The following ZSWIM4 variants were observed in gnomAD, a reference collection of about 807,000 sequenced individuals.
The protein encoded by ZSWIM4 is zinc finger SWIM domain-containing protein 4.
ZSWIM4 carries 62 observed loss-of-function variants against 102.5 expected under a neutral mutation model. The observed-to-expected ratio is 0.60, with a 90% confidence interval of 0.49 to 0.75. The LOEUF (loss-of-function observed/expected upper bound fraction) is 0.75, where lower values mean the gene tolerates loss of function less well. ZSWIM4 is among the 30% of genes least tolerant of loss of function. The probability of loss-of-function intolerance (pLI) is 0.00; values close to 1 mark genes in which losing one functional copy is unlikely to be tolerated. For missense variants in ZSWIM4, 1,280 were observed against 1,529.6 expected (o/e 0.84, Z 2.72); for synonymous variants, 652 against 674.5 (o/e 0.97, Z 0.52).
In ZSWIM4 at chr19:13,813,165, G is replaced by C. The variant is rs764708103; in HGVS notation, c.1180+1G>C. ...CAGCCCACCATGGCCCCCGCCCCAG[G>C]TAGGAGAGAGGGGTCTTTACCATGC... On this transcript the variant is annotated splice_donor_variant, in intron 6 of 13. Transcript: ENST00000590508. LOFTEE classifies it high-confidence loss of function. 1 of 1,609,362 alleles carries C rather than the reference G, an allele frequency of 6.2e-7. No individual in the cohort carries two copies. Among genetic ancestry groups the C allele is most frequent in the Non-Finnish European group, 8.5e-7 (1 of 1,176,940 alleles).
chr19:13,817,909 G>A lies in ZSWIM4; in HGVS notation c.1857G>A (p.Leu619=). ...ACGAGGAGCAGCTGCTGGCCCTGCT[G>A]GAGGAGGTGGAGTTGGATGAGCGGT... is the stretch of plus-strand genomic sequence containing the variant. ...VRNEEQLLAL[L]EEVELDERLV... is the part of the protein sequence containing the mutation. Residue 619 remains leucine (L), a synonymous_variant, in exon 9 of 14, where the codon CTG becomes CTA. Coordinates refer to ENST00000590508, the MANE Select transcript of ZSWIM4 (RefSeq NM_001367834.3). The A allele has an allele frequency of 6.5e-7, 1 of 1,547,858 alleles. No homozygotes were observed.
chr19:13,830,254 C>T lies in ZSWIM4; in HGVS notation c.2525C>T (p.Ala842Val), dbSNP rs1975720927. 5 of 1,613,868 alleles carry T rather than the reference C, an allele frequency of 3.1e-6. No individual in the cohort carries two copies. In the South Asian group the frequency reaches 4.4e-5, roughly 14 times the overall value. ...TCCTTATTCACACCAGTGGAGGCGGCTACCATCGTGGCAGTGACGGGCACC... is the reference window on the plus strand; with the variant it reads ...TCCTTATTCACACCAGTGGAGGCGGTTACCATCGTGGCAGTGACGGGCACC... ...WYSLFTPVEAATIVAVTGTTH... is the reference protein window; with the variant it reads ...WYSLFTPVEAVTIVAVTGTTH... The change falls in exon 14 of 14, where the codon GCT becomes GTT. Residue 842 changes from alanine (A) to valine (V), a missense_variant. Coordinates refer to ENST00000590508, the MANE Select transcript of ZSWIM4 (RefSeq NM_001367834.3).
chr19:13,821,758 G>A (rs1378206621), intron 10 of ZSWIM4, among the ~76,000 whole-genome samples: 9 of 150,944 alleles, frequency 6.0e-5, no homozygotes, highest in East Asian at 3.9e-4. Context: ...TCACTTTCTC[G>A]CCCAGGCTGG....
chr19:13,817,685 G>A, intron 8 of ZSWIM4, 37 bp from the exon 9 acceptor site: 1 of 1,601,946 alleles, frequency 6.2e-7, no homozygotes, highest in Non-Finnish European at 8.5e-7. Context: ...TAGGGAAGGG[G>A]ATCCGTCTCC....
rs371707685 is a variant in ZSWIM4, at chr19:13,813,028, C to T, written c.1044C>T (p.Pro348=). The T allele has an allele frequency of 9.5e-5, 154 of 1,613,506 alleles. No individual in the cohort carries two copies. Among genetic ancestry groups the T allele is most frequent in the South Asian group, 4.0e-4 (36 of 91,042 alleles). Residue 348 remains proline (P), a synonymous_variant, in exon 6 of 14, where the codon CCC becomes CCT. Coordinates refer to ENST00000590508, the MANE Select transcript of ZSWIM4 (RefSeq NM_001367834.3). ...TGTGGGTTTGCGTCGTCCTGAGCCC[C>T]CACTGCAAACCAGAGGAAAGGGCAG... The part of the protein sequence containing the change: ...GALWVCVVLS[P]HCKPEERAGW...
At position 13,830,618 on chromosome 19, in the gene ZSWIM4, C is replaced by T. The variant is rs1175965776; in HGVS notation, c.2889C>T (p.Asp963=). 1.2e-6 allele frequency: 2 copies of T among 1,600,208 alleles called. No homozygotes were observed. Among genetic ancestry groups the T allele is most frequent in the African/African-American group, 2.7e-5 (2 of 74,932 alleles). The change falls in exon 14 of 14, where the codon GAC becomes GAT. Residue 963 remains aspartate, a synonymous_variant. Transcript: ENST00000590508. The part of the protein sequence containing the change: ...FNQDSHPAVN[D]VLWACSLSHS... ...AGGACAGCCACCCTGCCGTCAACGA[C>T]GTGCTTTGGGCCTGCTCTCTCAGCC...
At position 13,823,467 on chromosome 19, in the gene ZSWIM4, G is replaced by A. The variant is rs772252299; in HGVS notation, c.2182G>A (p.Glu728Lys). The change falls in exon 11 of 14, where the codon GAA (glutamate) becomes AAA (lysine). Residue 728 changes from glutamate (E) to lysine (K), a missense_variant. Glu to Lys is a moderately conservative substitution (Grantham distance 56, BLOSUM62 1). Coordinates refer to ENST00000590508, the MANE Select transcript of ZSWIM4 (RefSeq NM_001367834.3). ...ILGHLETRQC[E>K]LASTMLTAAK... ...TGGCCACCTGGAGACCCGCCAGTGT[G>A]AACTGGCTTCCACCATGTTGACGGC... is the stretch of plus-strand genomic sequence containing the variant. The A allele has an allele frequency of 1.3e-6, 2 of 1,589,086 alleles. No individual in the cohort carries two copies. Among genetic ancestry groups the A allele is most frequent in the South Asian group, 2.3e-5 (2 of 87,922 alleles).
chr19:13,828,620 C>G, intron 12 of ZSWIM4, 25 bp from the exon 13 acceptor site: 1 of 1,613,240 alleles, frequency 6.2e-7, no homozygotes, highest in Admixed American at 1.7e-5. Context: ...AGGCTAACCC[C>G]CTTCTCCCCA....
At position 13,831,951 on chromosome 19, in the gene ZSWIM4, C is replaced by T. The variant is rs1975779108; in HGVS notation, c.*901C>T. The T allele has an allele frequency of 6.6e-6, 1 of 151,750 alleles. No homozygotes were observed. Among genetic ancestry groups the T allele is most frequent in the Non-Finnish European group, 1.5e-5 (1 of 67,964 alleles). The allele number at this position is 151,750 out of a possible 1,614,324, so 9.4% of individuals were successfully genotyped here. A position where few individuals can be genotyped will look rare whatever the true frequency, so the allele number is the denominator to read the frequency against. On this transcript the variant is annotated 3_prime_UTR_variant, in exon 14 of 14. Coordinates refer to ENST00000590508, the MANE Select transcript of ZSWIM4 (RefSeq NM_001367834.3). Reference sequence around the variant, plus strand: ...TCTCTGCACCTAAGTCCCTGCCGCCCTCTCTCTTTGGCCATCCTTCCTTTC... The same window carrying T: ...TCTCTGCACCTAAGTCCCTGCCGCCTTCTCTCTTTGGCCATCCTTCCTTTC...
intron 5 of ZSWIM4, 59 bp from the exon 6 acceptor site, chr19:13,812,938 G>A: frequency 1.3e-6 from 2 of 1,537,020 alleles, no homozygotes; most frequent in Non-Finnish European, 1.8e-6. Context: ...GGGCACTGCG[G>A]AAGTGTGTGT....
intron 9 of ZSWIM4, 91 bp downstream of exon 9, chr19:13,818,067 C>T (rs1477346042): frequency 1.4e-6 from 2 of 1,419,538 alleles, no homozygotes; most frequent in African/African-American, 2.9e-5. Flanking sequence ...GATGGGAGGC[C>T]CCGCCCCAGC....
chr19:13,817,270 AC>A lies in ZSWIM4; in HGVS notation c.1591del (p.Leu531TrpfsTer156), dbSNP rs745384990. ...ACCAACACCGAAGGATGGGTGGGGCACCCCCTGGACCCCATTGGCTGCCTCT... is the reference window on the plus strand; with the variant it reads ...ACCAACACCGAAGGATGGGTGGGGCACCCCTGGACCCCATTGGCTGCCTCT... The part of the protein sequence containing the change: ...CITNTEGWVG[H>X]PLDPIGCLCR... On this transcript the variant is annotated frameshift_variant, in exon 8 of 14. Transcript: ENST00000590508. LOFTEE classifies it high-confidence loss of function. The A allele has an allele frequency of 6.2e-7, 1 of 1,613,686 alleles. No homozygotes were observed. The highest frequency in any genetic ancestry group is 8.5e-7 in the Non-Finnish European group (1 of 1,179,808).
intron 8 of ZSWIM4, 157 bp from the exon 9 acceptor site, chr19:13,817,565 G>C: frequency 9.3e-7 from 1 of 1,078,174 alleles, no homozygotes; most frequent in Non-Finnish European, 1.3e-6. Flanking sequence ...GCTAGAAGGT[G>C]GGGCTCCCGC....
At chr19:13,806,393 T>TCCA (rs1974920044) in intron 3 of ZSWIM4, among the ~76,000 whole-genome samples, 5 of 151,284 alleles carry the variant, frequency 3.3e-5, no homozygotes, top group Non-Finnish European at 5.9e-5. Context: ...GGAAGCTGAG[T>TCCA]GTGGTGGCTC....
In ZSWIM4 at chr19:13,817,982, G is replaced by C; in HGVS notation, c.1924+6G>C. 6.7e-7 allele frequency: 1 copy of C among 1,497,668 alleles called. No individual in the cohort carries two copies. Among genetic ancestry groups the C allele is most frequent in the Non-Finnish European group, 8.9e-7 (1 of 1,119,502 alleles). 92.8% of individuals were successfully genotyped at this position (1,497,668 alleles called of 1,614,324 possible). Reference sequence around the variant, plus strand: ...GGCGGGGCTGCTGCTGGAAGGTGAGGCCGCGCCCCTAGGCCTGGCTGTTGC... The same window carrying C: ...GGCGGGGCTGCTGCTGGAAGGTGAGCCCGCGCCCCTAGGCCTGGCTGTTGC... On this transcript the variant is annotated splice_donor_region_variant and intron_variant, in intron 9 of 13. Transcript: ENST00000590508.
intron 2 of ZSWIM4, among the ~76,000 whole-genome samples, chr19:13,804,227 T>G (rs1043905198): frequency 9.9e-5 from 15 of 151,914 alleles, no homozygotes; most frequent in Non-Finnish European, 1.6e-4. Context: ...TCCCTGCACT[T>G]TGGGAGGCTG....
At chr19:13,797,209 CTG>C (rs1042162073) in intron 1 of ZSWIM4, among the ~76,000 whole-genome samples, 6 of 152,218 alleles carry the variant, frequency 3.9e-5, no homozygotes, top group African/African-American at 1.4e-4. Context: ...TTTGAGGAAA[CTG>C]GGGCACAGAG....
chr19:13,819,309 GCAGAGGCGAGCC>G, intron 9 of ZSWIM4, 36 bp from the exon 10 acceptor site: 1 of 1,607,478 alleles, frequency 6.2e-7, no homozygotes, highest in Non-Finnish European at 8.5e-7. Context: ...CTGGGGAAGG[GCAGAGGCGAGCC>G]CACACTTGGG....
intron 10 of ZSWIM4, among the ~76,000 whole-genome samples, chr19:13,821,881 C>T (rs539259221): frequency 7.9e-5 from 12 of 152,226 alleles, no homozygotes; most frequent in African/African-American, 1.7e-4. Flanking sequence ...GGACTACAGT[C>T]ACCCACCACC....
Sources: allele counts gnomAD v4.1 joint callset (sites outside exome capture counted in the v4.1 genomes callset), GRCh38; gene constraint gnomAD v4.1.1; transcripts MANE v1.5; gene names NCBI Gene and HGNC (gene_info 2026-07-23, HGNC 2026-07-21).